ADAM22: variants seen among roughly 807,000 people sequenced by gnomAD.
ADAM22 encodes ADAM metallopeptidase domain 22.
In ADAM22, 65 loss-of-function variants were observed where a neutral mutation model predicts 144.6. The ratio of observed to expected loss-of-function variants is 0.45; its 90% CI spans 0.37 to 0.55. The LOEUF (loss-of-function observed/expected upper bound fraction) is 0.55. Ranked by LOEUF, ADAM22 falls within the 20% of genes least tolerant of loss-of-function variation. The pLI is 0.00. For synonymous variants in ADAM22, 391 were observed against 412.6 expected, an observed-to-expected ratio of 0.95 and a Z score of 0.63; for missense variants, 974 against 1,184.9, an observed-to-expected ratio of 0.82 and a Z score of 2.61.
intron 2 of ADAM22, among the ~76,000 whole-genome samples, chr7:87,954,296 A>C (rs1584560951): frequency 6.6e-6 from 1 of 151,782 alleles, no homozygotes; most frequent in East Asian, 1.9e-4. Context: ...GTGCCTTTCC[A>C]TGTTTAGTGC....
At chr7:88,174,288 C>T (rs1845088912) in intron 26 of ADAM22, among the ~76,000 whole-genome samples, 1 of 151,988 alleles carries the variant, frequency 6.6e-6, no homozygotes, top group Non-Finnish European at 1.5e-5. Flanking sequence ...TGTTCACAAA[C>T]TTTGTAATAG....
chr7:87,935,794 T>C (rs561018640), intron 2 of ADAM22, among the ~76,000 whole-genome samples: 7 of 152,372 alleles, frequency 4.6e-5, no homozygotes, highest in African/African-American at 1.7e-4. Context: ...AGGGCTGTGC[T>C]GTTTGTTGAG....
chr7:88,034,477 T>G (rs1048802507), intron 3 of ADAM22, among the ~76,000 whole-genome samples: 2 of 152,132 alleles, frequency 1.3e-5, no homozygotes, highest in African/African-American at 4.8e-5. Flanking sequence ...AAGTCTTTTT[T>G]GGAGCTGCAA....
intron 17 of ADAM22, 65 bp from the exon 18 acceptor site, chr7:88,148,912 T>C: frequency 8.2e-7 from 1 of 1,223,880 alleles, no homozygotes. Context: ...TTGTTTTTTT[T>C]AGATGATATT....
rs568267540 is a variant in ADAM22 at position 87,995,719 on chromosome 7, T to G, written c.323+17307T>G. Reference sequence around the variant, plus strand: ...ATTTGAGAACCACTGATCTAATGTTTTTCTGCATGACATTCACCTGCTATA... The same window carrying G: ...ATTTGAGAACCACTGATCTAATGTTGTTCTGCATGACATTCACCTGCTATA... On this transcript the variant is annotated intron_variant, in intron 3 of 31. Transcript: ENST00000413139. 1.6e-4 allele frequency among the ~76,000 whole-genome samples: 24 copies of G among 152,342 alleles called. 1 individual carries two copies. In the South Asian group the frequency reaches 5.0e-3, roughly 32 times the overall value.
At chr7:87,954,893 C>T (rs1163563075) in intron 2 of ADAM22, among the ~76,000 whole-genome samples, 2 of 152,262 alleles carry the variant, frequency 1.3e-5, no homozygotes, top group Non-Finnish European at 2.9e-5. Flanking sequence ...TTTCATCTTC[C>T]ATCACTGATA....
intron 5 of ADAM22, among the ~76,000 whole-genome samples, chr7:88,113,662 GTA>G (rs56827611): frequency 1.7e-4 from 18 of 106,888 alleles, no homozygotes; most frequent in Admixed American, 4.4e-4. Flanking sequence ...ATGTGTGTGT[GTA>G]TATATATATA....
At chr7:87,936,827 G>A (rs377475793) in intron 2 of ADAM22, among the ~76,000 whole-genome samples, 3 of 151,168 alleles carry the variant, frequency 2.0e-5, no homozygotes, top group East Asian at 3.9e-4. Flanking sequence ...ATGTATGTGT[G>A]TGAATGTTTA....
At chr7:88,028,480 A>C (rs1270266805) in intron 3 of ADAM22, among the ~76,000 whole-genome samples, 1 of 152,074 alleles carries the variant, frequency 6.6e-6, no homozygotes, top group African/African-American at 2.4e-5. Context: ...ATGTTCTGTA[A>C]ATATCTATTA....
intron 3 of ADAM22, among the ~76,000 whole-genome samples, chr7:88,048,350 AT>A (rs1475420498): frequency 6.6e-6 from 1 of 151,914 alleles, no homozygotes; most frequent in African/African-American, 2.4e-5. Context: ...TGGGCCAATT[AT>A]TTTCTTTGGA....
chr7:88,128,804 A>ATT, intron 9 of ADAM22, 128 bp downstream of exon 9: 1 of 635,368 alleles, frequency 1.6e-6, no homozygotes, highest in Non-Finnish European at 2.6e-6. Context: ...ATAATCAAAT[A>ATT]TATTTGTTAA....
intron 21 of ADAM22, 36 bp downstream of exon 21, chr7:88,153,362 G>A (rs1242900787): frequency 8.4e-6 from 13 of 1,548,162 alleles, no homozygotes; most frequent in Non-Finnish European, 1.2e-5. Flanking sequence ...TTCATCCCTT[G>A]GTCAATTACA....
At chr7:88,061,160 C>G (rs1010557196) in intron 3 of ADAM22, among the ~76,000 whole-genome samples, 19 of 152,128 alleles carry the variant, frequency 1.2e-4, no homozygotes, top group African/African-American at 4.6e-4. Context: ...AGCATTCAGT[C>G]ACATCTTCAG....
chr7:87,976,553 G>A (rs1851935575), intron 2 of ADAM22, among the ~76,000 whole-genome samples: 1 of 152,144 alleles, frequency 6.6e-6, no homozygotes, highest in African/African-American at 2.4e-5. Flanking sequence ...TTCTATTTAG[G>A]CCACCCAGTC....
intron 3 of ADAM22, among the ~76,000 whole-genome samples, chr7:88,008,343 G>A (rs62489880): frequency 0.4 from 58,786 of 147,984 alleles, 12,484 homozygotes; most frequent in East Asian, 0.58. Flanking sequence ...TCAGTGTGGC[G>A]ATTCCTCAGG....
At chr7:88,122,668 G>C (rs548509728) in intron 7 of ADAM22, among the ~76,000 whole-genome samples, 25 of 152,300 alleles carry the variant, frequency 1.6e-4, no homozygotes, top group African/African-American at 6.0e-4. Flanking sequence ...TAAAACTAAA[G>C]AGACAAGTTA....
At chr7:88,104,222 T>C (rs1302342440) in intron 4 of ADAM22, among the ~76,000 whole-genome samples, 2 of 152,154 alleles carry the variant, frequency 1.3e-5, no homozygotes, top group African/African-American at 4.8e-5. Context: ...ATGCCAAGCT[T>C]ACCTTAAGAA....
intron 7 of ADAM22, among the ~76,000 whole-genome samples, chr7:88,119,352 T>C (rs1476374424): frequency 6.6e-6 from 1 of 152,262 alleles, no homozygotes; most frequent in East Asian, 1.9e-4. Flanking sequence ...TTGTCTGTTG[T>C]AGAACTTTAT....
At chr7:87,955,117 A>G (rs554033753) in intron 2 of ADAM22, among the ~76,000 whole-genome samples, 5 of 152,268 alleles carry the variant, frequency 3.3e-5, no homozygotes, top group African/African-American at 9.6e-5. Context: ...GATCATCTGA[A>G]GCCTTCTTCT....
Sources: allele counts gnomAD v4.1 joint callset (sites outside exome capture counted in the v4.1 genomes callset), GRCh38; gene constraint gnomAD v4.1.1; transcripts MANE v1.5; gene names NCBI Gene and HGNC (gene_info 2026-07-23, HGNC 2026-07-21).